Variants in RAD18 observed in about 807,000 individuals in gnomAD.
RAD18 encodes RAD18 E3 ubiquitin protein ligase, also known as E3 ubiquitin-protein ligase RAD18.
RAD18 carries 47 observed loss-of-function variants against 60.4 expected under a neutral mutation model. The ratio of observed to expected loss-of-function variants is 0.78; its 90% CI spans 0.62 to 0.99. RAD18 has a LOEUF of 0.99. RAD18 is among the 50% of genes least tolerant of loss of function. The pLI, the probability that RAD18 is intolerant of heterozygous loss-of-function variation, is 0.00. For missense variants in RAD18, 640 were observed against 593.3 expected, an observed-to-expected ratio of 1.08 and a Z score of -0.82; for synonymous variants, 225 against 195.5, an observed-to-expected ratio of 1.15 and a Z score of -1.26.
At chr3:8,891,676 C>A (rs892588729) in intron 11 of RAD18, among the ~76,000 whole-genome samples, 1 of 152,152 alleles carries the variant, frequency 6.6e-6, no homozygotes, top group Non-Finnish European at 1.5e-5. Flanking sequence ...ATTATCTTTC[C>A]TTCTGCCCCA....
chr3:8,898,465 C>T (rs1939839436), intron 11 of RAD18, among the ~76,000 whole-genome samples: 1 of 151,582 alleles, frequency 6.6e-6, no homozygotes, highest in Non-Finnish European at 1.5e-5. Context: ...GACTCATTAC[C>T]AAACTTCTCA....
chr3:8,950,145 C>T (rs996330200), intron 2 of RAD18, among the ~76,000 whole-genome samples: 12 of 152,264 alleles, frequency 7.9e-5, no homozygotes, highest in African/African-American at 2.9e-4. Context: ...ATTCTCCCGC[C>T]TCAGCCTCCC....
At chr3:8,896,373 G>T (rs1352241367) in intron 11 of RAD18, among the ~76,000 whole-genome samples, 1 of 152,116 alleles carries the variant, frequency 6.6e-6, no homozygotes, top group African/African-American at 2.4e-5. Flanking sequence ...TATGTCACCT[G>T]TTCATTTAAC....
At position 8,947,260 on chromosome 3, in the gene RAD18, G is replaced by A. The variant is rs774648180; in HGVS notation, c.226C>T (p.Arg76Cys). 3.3e-5 allele frequency: 53 copies of A among 1,610,810 alleles called. No homozygotes were observed. Among genetic ancestry groups the A allele is most frequent in the Middle Eastern group, 3.3e-4 (2 of 6,078 alleles). ...TVTEPDLKNNRILDELVKSLN... is the reference protein window; with the variant it reads ...TVTEPDLKNNCILDELVKSLN... ...CTTTTTACCAGTTCATCTAATATGC[G>A]GTTATTTTTCAGATCCGGCTCTGTG... is the stretch of plus-strand genomic sequence containing the variant. Residue 76 changes from arginine (R) to cysteine (C), a missense_variant, in exon 4 of 13, where the codon CGC (arginine) becomes TGC (cysteine). Coordinates refer to ENST00000264926, the MANE Select transcript of RAD18 (RefSeq NM_020165.4).
chr3:8,959,208 T>A (rs1941059236), intron 1 of RAD18, among the ~76,000 whole-genome samples: 1 of 152,214 alleles, frequency 6.6e-6, no homozygotes, highest in Admixed American at 6.5e-5. Flanking sequence ...CAGTCTCAGG[T>A]TGCCCAAATT....
At chr3:8,922,721 C>A (rs1047430562) in intron 7 of RAD18, among the ~76,000 whole-genome samples, 1 of 152,166 alleles carries the variant, frequency 6.6e-6, no homozygotes, top group African/African-American at 2.4e-5. Context: ...AACAAAACTT[C>A]CAGAGGAACA....
At chr3:8,906,945 C>T (rs994377245) in intron 9 of RAD18, among the ~76,000 whole-genome samples, 1 of 152,114 alleles carries the variant, frequency 6.6e-6, no homozygotes, top group African/African-American at 2.4e-5. Flanking sequence ...TGGTGACTTT[C>T]CCAAGGGCTT....
intron 7 of RAD18, among the ~76,000 whole-genome samples, chr3:8,921,041 G>A (rs534762753): frequency 2.3e-3 from 353 of 152,218 alleles, no homozygotes; most frequent in African/African-American, 8.1e-3. Context: ...GACATATTTA[G>A]GGGTAAAGGG....
intron 12 of RAD18, among the ~76,000 whole-genome samples, chr3:8,889,106 G>A (rs1413690196): frequency 6.6e-6 from 1 of 152,104 alleles, no homozygotes; most frequent in Non-Finnish European, 1.5e-5. Context: ...ATAAAACCAT[G>A]TGTGCCCTGG....
intron 8 of RAD18, among the ~76,000 whole-genome samples, chr3:8,913,036 G>GA (rs34152590): frequency 5.7e-4 from 86 of 150,254 alleles, no homozygotes; most frequent in East Asian, 7.9e-4. Flanking sequence ...AAATGGCCTA[G>GA]AAAAAAAAAA....
chr3:8,940,613 A>G (rs1436553563), intron 5 of RAD18, among the ~76,000 whole-genome samples: 1 of 152,250 alleles, frequency 6.6e-6, no homozygotes. Flanking sequence ...TTCACTGGAA[A>G]GAAGATACAG....
At chr3:8,948,429 T>C in intron 3 of RAD18, 80 bp downstream of exon 3, 2 of 1,267,076 alleles carry the variant, frequency 1.6e-6, no homozygotes, top group Admixed American at 1.8e-5. Context: ...ACCCTATATA[T>C]ACACAGGCTT....
At chr3:8,926,959 G>A (rs1021927269) in intron 7 of RAD18, among the ~76,000 whole-genome samples, 3 of 151,960 alleles carry the variant, frequency 2.0e-5, no homozygotes, top group Non-Finnish European at 4.4e-5. Flanking sequence ...AAAAACCCTA[G>A]AAGAAAACCT....
intron 4 of RAD18, among the ~76,000 whole-genome samples, chr3:8,944,292 T>C (rs936984747): frequency 1.3e-5 from 2 of 152,124 alleles, no homozygotes; most frequent in Non-Finnish European, 2.9e-5. Flanking sequence ...AAACAGAAGC[T>C]ATAATTTAAA....
At chr3:8,901,266 C>T (rs190171294) in intron 10 of RAD18, among the ~76,000 whole-genome samples, 40 of 152,250 alleles carry the variant, frequency 2.6e-4, no homozygotes, top group African/African-American at 8.4e-4. Flanking sequence ...AAAAGTTTAA[C>T]GATTCCTCAA....
intron 7 of RAD18, among the ~76,000 whole-genome samples, chr3:8,920,601 C>T (rs2125058495): frequency 6.6e-6 from 1 of 152,216 alleles, no homozygotes; most frequent in East Asian, 1.9e-4. Flanking sequence ...CCTGATATCA[C>T]AAATGAGGGG....
At chr3:8,914,014 C>G (rs1322929869) in intron 7 of RAD18, among the ~76,000 whole-genome samples, 2 of 152,156 alleles carry the variant, frequency 1.3e-5, no homozygotes, top group Non-Finnish European at 2.9e-5. Context: ...AAACAGAAGT[C>G]TCAGTGAAAT....
chr3:8,901,129 A>G (rs182884485), intron 10 of RAD18, among the ~76,000 whole-genome samples: 1 of 152,348 alleles, frequency 6.6e-6, no homozygotes, highest in East Asian at 1.9e-4. Flanking sequence ...ACAATGACAT[A>G]CCACTTCACA....
chr3:8,907,005 C>A (rs964970999), intron 9 of RAD18, among the ~76,000 whole-genome samples: 3 of 152,144 alleles, frequency 2.0e-5, no homozygotes, highest in Non-Finnish European at 4.4e-5. Context: ...ACGTATTTTG[C>A]ATGCCAAATG....
Sources: allele counts gnomAD v4.1 joint callset (sites outside exome capture counted in the v4.1 genomes callset), GRCh38; gene constraint gnomAD v4.1.1; transcripts MANE v1.5; gene names NCBI Gene and HGNC (gene_info 2026-07-23, HGNC 2026-07-21).